Variants in STYXL1 observed in about 807,000 individuals in gnomAD.
STYXL1 encodes the protein serine/threonine/tyrosine-interacting-like protein 1.
Under a neutral mutation model 36.4 loss-of-function variants are expected in STYXL1, and 32 were observed. That is an observed-to-expected ratio of 0.88 (90% CI 0.66 to 1.18). The LOEUF (loss-of-function observed/expected upper bound fraction) is 1.18. Among genes scored for constraint, STYXL1 ranks in the 50% most tolerant of loss-of-function variants. STYXL1 has a pLI of 0.00. For missense variants in STYXL1, 354 were observed against 394.1 expected, an observed-to-expected ratio of 0.90 and a Z score of 0.86; for synonymous variants, 133 against 144.1, an observed-to-expected ratio of 0.92 and a Z score of 0.55.
At chr7:76,022,483 T>C (rs1370129228) in intron 3 of STYXL1, among the ~76,000 whole-genome samples, 1 of 138,032 alleles carries the variant, frequency 7.2e-6, no homozygotes, top group Non-Finnish European at 1.6e-5. Context: ...AACAGCAAGA[T>C]CCCCGACTCT....
intron 4 of STYXL1, among the ~76,000 whole-genome samples, chr7:76,014,124 G>A (rs1172970131): frequency 1.3e-5 from 2 of 151,560 alleles, no homozygotes; most frequent in Admixed American, 6.6e-5. Flanking sequence ...GACTACAGGC[G>A]CCCACCATGC....
At chr7:76,034,068 G>A (rs1047933304) in intron 1 of STYXL1, among the ~76,000 whole-genome samples, 5 of 152,198 alleles carry the variant, frequency 3.3e-5, no homozygotes, top group African/African-American at 1.2e-4. Flanking sequence ...GAAATACTCA[G>A]TGAGTACTGG....
intron 4 of STYXL1, among the ~76,000 whole-genome samples, chr7:76,016,389 ATG>A (rs1278962114): frequency 4.0e-5 from 6 of 151,630 alleles, no homozygotes; most frequent in East Asian, 3.9e-4. Flanking sequence ...GTATATACGT[ATG>A]TGTGTATATA....
chr7:76,031,219 T>C (rs1795290814), intron 1 of STYXL1, among the ~76,000 whole-genome samples: 1 of 147,270 alleles, frequency 6.8e-6, no homozygotes, highest in Non-Finnish European at 1.5e-5. Context: ...TAATCCCAGC[T>C]ACTCGGGAGA....
chr7:76,019,861 A>G (rs1268625808), intron 4 of STYXL1, among the ~76,000 whole-genome samples: 1 of 151,080 alleles, frequency 6.6e-6, no homozygotes, highest in Non-Finnish European at 1.5e-5. Context: ...TGAGAGGCCA[A>G]TGCAAGAGAA....
At chr7:76,007,681 G>A (rs1554570897) in intron 5 of STYXL1, among the ~76,000 whole-genome samples, 1 of 151,996 alleles carries the variant, frequency 6.6e-6, no homozygotes, top group Non-Finnish European at 1.5e-5. Flanking sequence ...AGCACTTTGG[G>A]AGGCCAAGGT....
Position 76,003,775 on chromosome 7 carries a change from T to G in STYXL1, c.680A>C (p.His227Pro), listed in dbSNP as rs1386124176. The G allele has an allele frequency of 6.2e-7, 1 of 1,614,152 alleles. No homozygotes were observed. Among genetic ancestry groups the G allele is most frequent in the East Asian group, 2.2e-5 (1 of 44,882 alleles). Residue 227 changes from histidine to proline, a missense_variant, in exon 7 of 9, where the codon CAC (histidine) becomes CCC (proline). His to Pro is a moderately conservative substitution (Grantham distance 77). Coordinates refer to ENST00000359697, the MANE Select transcript of STYXL1 (RefSeq NM_001317785.2). ...PEAQILPFLR[H>P]MCHFIEIHHH... is the part of the protein sequence containing the mutation. ...CTCCTTACCAATGAAGTGACACATG[T>G]GGCGTAAGAAGGGAAGAATCTGGGC...
intron 8 of STYXL1, among the ~76,000 whole-genome samples, chr7:75,997,496 C>G (rs1307146818): frequency 6.6e-6 from 1 of 152,098 alleles, no homozygotes; most frequent in African/African-American, 2.4e-5. Context: ...AAGCCCACAG[C>G]TAACATCACA....
At chr7:76,001,306 G>A (rs1790889107) in intron 7 of STYXL1, among the ~76,000 whole-genome samples, 1 of 152,198 alleles carries the variant, frequency 6.6e-6, no homozygotes, top group Non-Finnish European at 1.5e-5. Flanking sequence ...TGGCCTCCCA[G>A]TATGGGGCGG....
chr7:76,021,701 G>A lies in STYXL1; in HGVS notation c.307+150C>T, dbSNP rs188069488. 5.8e-6 allele frequency: 4 copies of A among 688,676 alleles called. No individual in the cohort carries two copies. In the East Asian group the frequency reaches 9.9e-5, roughly 17 times the overall value. 42.7% of individuals were successfully genotyped at this position (688,676 alleles called of 1,614,324 possible). Reference sequence around the variant, plus strand: ...CCCATCTCCTTGCTCGGTATCCAGTGATCATGAAGCTCTTTTTCTGACGCA... The same window carrying A: ...CCCATCTCCTTGCTCGGTATCCAGTAATCATGAAGCTCTTTTTCTGACGCA... On this transcript the variant is annotated intron_variant, in intron 4 of 8. Transcript: ENST00000359697.
intron 1 of STYXL1, among the ~76,000 whole-genome samples, chr7:76,038,919 T>C (rs1796209529): frequency 6.8e-6 from 1 of 146,004 alleles, no homozygotes; most frequent in South Asian, 2.1e-4. Context: ...TCCGAGTAGC[T>C]GGGACTACAA....
chr7:76,013,700 C>T (rs1554572901), intron 5 of STYXL1, 42 bp downstream of exon 5: 1 of 1,613,020 alleles, frequency 6.2e-7, no homozygotes. Context: ...CTAGGCCCAT[C>T]CTTCCCGTCT....
chr7:76,030,210 G>C (rs782689491), intron 2 of STYXL1, among the ~76,000 whole-genome samples: 4 of 152,068 alleles, frequency 2.6e-5, no homozygotes, highest in Non-Finnish European at 4.4e-5. Context: ...TGTTGGCCTG[G>C]CTGGTCTTGA....
At chr7:76,005,222 A>T in intron 6 of STYXL1, 37 bp downstream of exon 6, 1 of 1,212,876 alleles carries the variant, frequency 8.2e-7, no homozygotes, top group Non-Finnish European at 1.1e-6. Context: ...TATAAAAAAT[A>T]AAATGAAATA....
At chr7:76,011,826 T>C (rs1372992057) in intron 5 of STYXL1, among the ~76,000 whole-genome samples, 1 of 152,188 alleles carries the variant, frequency 6.6e-6, no homozygotes, top group Non-Finnish European at 1.5e-5. Flanking sequence ...GGGCTCCAGA[T>C]ACCCGGGGCG....
rs528469396 is a variant in STYXL1, at chr7:76,042,390, C to CTTTTTTTTTTTTTTTTTTTTTT, written c.-5+5250_-5+5271dup. Among the ~76,000 whole-genome samples the CTTTTTTTTTTTTTTTTTTTTTT allele has an allele frequency of 1.2e-4, 5 of 41,834 alleles. 1 individual carries two copies. The South Asian group carries it at 3.2e-3, about 26-fold the overall frequency. The allele number at this position is 41,834 out of a possible 152,430, so 27.4% of individuals were successfully genotyped here. A position where few individuals can be genotyped will look rare whatever the true frequency, so the allele number is the denominator to read the frequency against. Reference sequence around the variant, plus strand: ...ACTGCTCCCTGGGTGCCCTTATGTGCTTTTTTTTTTTTTTTTTTTTTTTTT... The same window carrying CTTTTTTTTTTTTTTTTTTTTTT: ...ACTGCTCCCTGGGTGCCCTTATGTGCTTTTTTTTTTTTTTTTTTTTTTTTTTTTTTTTTTTTTTTTTTTTTTT... On this transcript the variant is annotated intron_variant, in intron 1 of 8. Transcript: ENST00000359697.
At chr7:76,027,109 G>T (rs563016560) in intron 3 of STYXL1, among the ~76,000 whole-genome samples, 29 of 151,988 alleles carry the variant, frequency 1.9e-4, no homozygotes, top group African/African-American at 6.3e-4. Flanking sequence ...GAAAGTCAAA[G>T]AGAACCTCCA....
intron 4 of STYXL1, among the ~76,000 whole-genome samples, chr7:76,016,023 C>T (rs1554573661): frequency 6.6e-6 from 1 of 152,138 alleles, no homozygotes; most frequent in Non-Finnish European, 1.5e-5. Context: ...TGCAGACAGC[C>T]TATTGTGGGA....
chr7:76,032,382 G>C (rs1385213971), intron 1 of STYXL1, among the ~76,000 whole-genome samples: 1 of 138,188 alleles, frequency 7.2e-6, no homozygotes, highest in Non-Finnish European at 1.5e-5. Flanking sequence ...CTGGGCAACA[G>C]AGTGAGACCC....
Sources: gnomAD v4.1 joint callset for allele counts (sites outside exome capture counted in the v4.1 genomes callset) on GRCh38, gnomAD v4.1.1 for gene constraint, MANE v1.5 for transcripts, NCBI Gene and HGNC (gene_info 2026-07-23, HGNC 2026-07-21) for gene names.